The following PDE4D variants were observed in gnomAD, a reference collection of about 807,000 sequenced individuals.
PDE4D encodes 3',5'-cyclic-AMP phosphodiesterase 4D.
PDE4D carries 24 observed loss-of-function variants against 87.4 expected under a neutral mutation model. The ratio of observed to expected loss-of-function variants is 0.27; its 90% CI spans 0.20 to 0.39. PDE4D has a LOEUF of 0.39. Ranked by LOEUF, PDE4D falls within the 10% of genes least tolerant of loss-of-function variation. PDE4D has a pLI of 1.00. For synonymous variants in PDE4D, 384 were observed against 383.2 expected, an observed-to-expected ratio of 1.00 and a Z score of -0.02; for missense variants, 714 against 1,041.0, an observed-to-expected ratio of 0.69 and a Z score of 4.32.
At chr5:59,181,572 T>TATATATATATATATATATATATATA (rs1561646442) in intron 4 of PDE4D, among the ~76,000 whole-genome samples, 1 of 109,922 alleles carries the variant, frequency 9.1e-6, no homozygotes, top group African/African-American at 4.3e-5. Flanking sequence ...ATATATATAT[T>TATATATATATATATATATATATATA]AGGTATATAA....
intron 1 of PDE4D, among the ~76,000 whole-genome samples, chr5:59,384,840 T>C (rs1786659682): frequency 6.6e-6 from 1 of 152,004 alleles, no homozygotes; most frequent in Non-Finnish European, 1.5e-5. Context: ...CATTTAATTA[T>C]CTTATACTGA....
intron 1 of PDE4D, among the ~76,000 whole-genome samples, chr5:59,577,680 C>T (rs1823400469): frequency 6.6e-6 from 1 of 152,094 alleles, no homozygotes. Flanking sequence ...AAAGCAAGCT[C>T]TGTATAAAGT....
At chr5:59,138,943 G>T (rs995212140) in intron 5 of PDE4D, among the ~76,000 whole-genome samples, 1 of 152,136 alleles carries the variant, frequency 6.6e-6, no homozygotes, top group African/African-American at 2.4e-5. Context: ...GCTTAAATTC[G>T]GGAGAAATTC....
At chr5:59,302,657 C>T (rs879798654) in intron 1 of PDE4D, among the ~76,000 whole-genome samples, 1 of 152,132 alleles carries the variant, frequency 6.6e-6, no homozygotes, top group Non-Finnish European at 1.5e-5. Context: ...AGTTACTTCA[C>T]TTAGAATAAT....
chr5:59,925,242 T>C (rs1367011075), intron 3 of PDE4D, among the ~76,000 whole-genome samples: 1 of 150,178 alleles, frequency 6.7e-6, no homozygotes, highest in Non-Finnish European at 1.5e-5. Context: ...TGTAAAATTA[T>C]TACTTTTCTC....
At chr5:60,096,334 G>A (rs1398010080) in intron 2 of PDE4D, among the ~76,000 whole-genome samples, 1 of 152,036 alleles carries the variant, frequency 6.6e-6, no homozygotes, top group Non-Finnish European at 1.5e-5. Flanking sequence ...TTAATAAATG[G>A]TGTTGGGAAA....
intron 2 of PDE4D, among the ~76,000 whole-genome samples, chr5:59,989,341 C>G (rs973071122): frequency 1.3e-5 from 2 of 151,708 alleles, no homozygotes; most frequent in Admixed American, 1.3e-4. Context: ...GTATTATAAT[C>G]TTATGGCCAC....
At chr5:59,185,445 A>T (rs188484049) in intron 3 of PDE4D, among the ~76,000 whole-genome samples, 183 bp from the exon 4 acceptor site, 1 of 152,326 alleles carries the variant, frequency 6.6e-6, no homozygotes, top group African/African-American at 2.4e-5. Flanking sequence ...GCCAGACTGC[A>T]GAAATTTTCC....
rs2149363112 is a variant in PDE4D, at chr5:60,114,116, C to T, written c.42+71441G>A. Reference sequence around the variant, plus strand: ...GTGGATAATAAAGTTGATGCTCCACCCGATTCGGTGAATCTCACATTTTCA... The same window carrying T: ...GTGGATAATAAAGTTGATGCTCCACTCGATTCGGTGAATCTCACATTTTCA... On this transcript the variant is annotated intron_variant, in intron 2 of 16. Transcript: ENST00000502484. Among the ~76,000 whole-genome samples, 3 of 152,180 alleles carry T rather than the reference C, an allele frequency of 2.0e-5. No individual in the cohort carries two copies. In the South Asian group the frequency reaches 6.2e-4, roughly 32 times the overall value.
intron 1 of PDE4D, among the ~76,000 whole-genome samples, chr5:59,876,050 A>C (rs1242348908): frequency 6.6e-6 from 1 of 152,128 alleles, no homozygotes; most frequent in Non-Finnish European, 1.5e-5. Context: ...TCGCTACAAC[A>C]AGCCCCCATG....
chr5:59,775,530 G>A (rs189420954), intron 1 of PDE4D, among the ~76,000 whole-genome samples: 69 of 151,980 alleles, frequency 4.5e-4, no homozygotes, highest in African/African-American at 1.5e-3. Context: ...TAACTTCCTC[G>A]AAGTCATCCA....
At chr5:60,350,988 A>T (rs1759136190) in intron 1 of PDE4D, among the ~76,000 whole-genome samples, 1 of 152,138 alleles carries the variant, frequency 6.6e-6, no homozygotes, top group African/African-American at 2.4e-5. Context: ...GTTTCAGTGG[A>T]TTAAAAACTA....
At chr5:59,198,850 CA>C (rs1256498280) in intron 2 of PDE4D, among the ~76,000 whole-genome samples, 2 of 152,108 alleles carry the variant, frequency 1.3e-5, no homozygotes, top group Admixed American at 6.6e-5. Context: ...CAAATGCCCA[CA>C]CTCTTATGGT....
At chr5:58,977,616 A>ATCTT (rs1337963571) in intron 11 of PDE4D, among the ~76,000 whole-genome samples, 1 of 152,142 alleles carries the variant, frequency 6.6e-6, no homozygotes, top group Non-Finnish European at 1.5e-5. Flanking sequence ...AAAGAATTGG[A>ATCTT]TCTTTAACCT....
chr5:59,179,686 T>G, intron 5 of PDE4D: 1 of 457,058 alleles, frequency 2.2e-6, no homozygotes, highest in South Asian at 1.6e-5. Flanking sequence ...ACTAATAACT[T>G]AATAAGAGCT....
chr5:59,622,982 C>T (rs1323810524), intron 1 of PDE4D, among the ~76,000 whole-genome samples: 2 of 152,070 alleles, frequency 1.3e-5, no homozygotes, highest in East Asian at 3.9e-4. Context: ...TTGCTCTTAC[C>T]ATATTTCATT....
chr5:59,321,623 T>C (rs1242089212), intron 1 of PDE4D, among the ~76,000 whole-genome samples: 2 of 152,084 alleles, frequency 1.3e-5, no homozygotes. Flanking sequence ...TATGAGATGG[T>C]GTGAAAAGGC....
At position 59,857,050 on chromosome 5, in the gene PDE4D, G is replaced by A. The variant is rs566540117; in HGVS notation, c.455+36118C>T. On this transcript the variant is annotated intron_variant, in intron 1 of 14. Coordinates refer to ENST00000340635, the MANE Select transcript of PDE4D (RefSeq NM_001104631.2). The stretch of plus-strand genomic sequence containing the variant: ...TCCTGGTTGCCCAAACAATCTCTTC[G>A]TCATCTGCCAGCTTCTAAATCTTAT... 1.5e-4 allele frequency among the ~76,000 whole-genome samples: 23 copies of A among 152,076 alleles called. No individual in the cohort carries two copies. The South Asian group carries it at 2.7e-3, about 18-fold the overall frequency.
At chr5:59,386,304 T>C (rs942862014) in intron 1 of PDE4D, among the ~76,000 whole-genome samples, 2 of 152,192 alleles carry the variant, frequency 1.3e-5, no homozygotes, top group Non-Finnish European at 2.9e-5. Context: ...AAGAGTCCAG[T>C]TGAATAATAA....
Sources: allele counts gnomAD v4.1 joint callset (sites outside exome capture counted in the v4.1 genomes callset), GRCh38; gene constraint gnomAD v4.1.1; transcripts MANE v1.5; gene names NCBI Gene and HGNC (gene_info 2026-07-23, HGNC 2026-07-21).